The following MARCHF1 variants were observed in gnomAD, a reference collection of about 807,000 sequenced individuals.
MARCHF1 encodes the protein E3 ubiquitin-protein ligase MARCHF1.
Under a neutral mutation model 54.2 loss-of-function variants are expected in MARCHF1, and 40 were observed. The ratio of observed to expected loss-of-function variants is 0.74; its 90% confidence interval spans 0.57 to 0.96. The LOEUF (loss-of-function observed/expected upper bound fraction) is 0.96, where lower values mean the gene tolerates loss of function less well. MARCHF1 is among the 40% of genes least tolerant of loss of function. The probability of loss-of-function intolerance (pLI) is 0.00; values close to 1 mark genes in which losing one functional copy is unlikely to be tolerated. For missense variants in MARCHF1, 586 were observed against 656.5 expected, an observed-to-expected ratio of 0.89 and a Z score of 1.17; for synonymous variants, 236 against 236.3, an observed-to-expected ratio of 1.00 and a Z score of 0.01.
intron 4 of MARCHF1, among the ~76,000 whole-genome samples, chr4:163,742,055 T>C (rs1216880750): frequency 1.3e-5 from 2 of 152,218 alleles, no homozygotes; most frequent in East Asian, 1.9e-4. Context: ...CAGTAGCATA[T>C]GCATTTTTAA....
intron 4 of MARCHF1, among the ~76,000 whole-genome samples, chr4:163,848,754 G>A (rs1331558201): frequency 6.6e-6 from 1 of 152,094 alleles, no homozygotes; most frequent in Admixed American, 6.5e-5. Context: ...TGCTTAATAA[G>A]CATAATCTTC....
chr4:163,610,556 G>T (rs563775755), intron 7 of MARCHF1, among the ~76,000 whole-genome samples: 10 of 152,136 alleles, frequency 6.6e-5, no homozygotes, highest in African/African-American at 2.4e-4. Context: ...TCTTTCATTA[G>T]ATTATGTTGG....
intron 4 of MARCHF1, among the ~76,000 whole-genome samples, chr4:163,755,544 T>C (rs914983321): frequency 6.6e-6 from 1 of 152,124 alleles, no homozygotes; most frequent in Non-Finnish European, 1.5e-5. Context: ...AAGACAACTG[T>C]CTTGTTGGGT....
chr4:163,860,728 C>T (rs913703147), intron 3 of MARCHF1, among the ~76,000 whole-genome samples: 3 of 152,208 alleles, frequency 2.0e-5, no homozygotes, highest in Non-Finnish European at 2.9e-5. Flanking sequence ...CTGCAAGATG[C>T]ACACTCTCTT....
Position 164,045,661 on chromosome 4 carries a change from T to G in MARCHF1, c.-247-56952A>C, listed in dbSNP as rs144765899. 1.4e-4 allele frequency among the ~76,000 whole-genome samples: 21 copies of G among 147,622 alleles called. No homozygotes were observed. In the East Asian group the frequency reaches 4.2e-3, roughly 29 times the overall value. On this transcript the variant is annotated intron_variant, in intron 2 of 9. Transcript: ENST00000514618. Reference sequence around the variant, plus strand: ...TGGAGAAATCATGGCAATATAGTCATGAAATCATTCTGGCTTAGTAAAAAA... The same window carrying G: ...TGGAGAAATCATGGCAATATAGTCAGGAAATCATTCTGGCTTAGTAAAAAA...
At chr4:164,196,424 GCATT>G (rs1196353817) in intron 1 of MARCHF1, among the ~76,000 whole-genome samples, 3 of 144,514 alleles carry the variant, frequency 2.1e-5, no homozygotes, top group African/African-American at 7.4e-5. Context: ...AGTATAAAGT[GCATT>G]ATTATTTTTC....
At chr4:164,369,915 T>A (rs949465418) in intron 1 of MARCHF1, among the ~76,000 whole-genome samples, 1 of 152,194 alleles carries the variant, frequency 6.6e-6, no homozygotes, top group Admixed American at 6.5e-5. Context: ...AAAATCAACA[T>A]GCATCACCAA....
At chr4:164,317,602 C>G (rs1212459066) in intron 1 of MARCHF1, among the ~76,000 whole-genome samples, 1 of 152,184 alleles carries the variant, frequency 6.6e-6, no homozygotes, top group African/African-American at 2.4e-5. Context: ...AACTCAGTCA[C>G]TGGGTCATTC....
chr4:163,823,839 A>T (rs1044224396), intron 4 of MARCHF1, among the ~76,000 whole-genome samples: 1 of 151,528 alleles, frequency 6.6e-6, no homozygotes, highest in Admixed American at 6.6e-5. Flanking sequence ...ATAAAACCAT[A>T]GTCAATGTGC....
At chr4:163,856,575 T>C (rs1461730849) in intron 3 of MARCHF1, among the ~76,000 whole-genome samples, 1 of 152,210 alleles carries the variant, frequency 6.6e-6, no homozygotes, top group Non-Finnish European at 1.5e-5. Flanking sequence ...CCTGTGATAG[T>C]TGCATTTCTA....
At chr4:163,969,622 T>C (rs1166231373) in intron 3 of MARCHF1, among the ~76,000 whole-genome samples, 1 of 152,206 alleles carries the variant, frequency 6.6e-6, no homozygotes, top group Non-Finnish European at 1.5e-5. Context: ...GCATATGTTG[T>C]AGTCCATCTG....
chr4:163,758,360 T>C (rs1441417142), intron 4 of MARCHF1, among the ~76,000 whole-genome samples: 1 of 152,178 alleles, frequency 6.6e-6, no homozygotes, highest in Admixed American at 6.5e-5. Flanking sequence ...CAAGACAATG[T>C]GAGTGGGGTC....
chr4:164,369,452 G>C (rs1163446869), intron 1 of MARCHF1, among the ~76,000 whole-genome samples: 2 of 152,112 alleles, frequency 1.3e-5, no homozygotes, highest in African/African-American at 4.8e-5. Flanking sequence ...GTTTTAGTCA[G>C]ATTGGTTCAT....
intron 4 of MARCHF1, among the ~76,000 whole-genome samples, chr4:163,721,048 A>C (rs1259283117): frequency 5.3e-5 from 8 of 152,214 alleles, no homozygotes. Context: ...TGCCCTGGAC[A>C]GAACTTCCAA....
At chr4:163,741,518 G>C (rs1253530773) in intron 4 of MARCHF1, among the ~76,000 whole-genome samples, 2 of 152,066 alleles carry the variant, frequency 1.3e-5, no homozygotes, top group African/African-American at 4.8e-5. Context: ...AGGAGATGGA[G>C]GTTGCAGTGA....
At chr4:164,083,361 C>T in intron 2 of MARCHF1, among the ~76,000 whole-genome samples, 1 of 151,680 alleles carries the variant, frequency 6.6e-6, no homozygotes, top group East Asian at 1.9e-4. Flanking sequence ...CAAAATTAAA[C>T]AAATATATGG....
At chr4:163,870,911 G>A (rs2111216346) in intron 3 of MARCHF1, among the ~76,000 whole-genome samples, 1 of 152,092 alleles carries the variant, frequency 6.6e-6, no homozygotes, top group South Asian at 2.1e-4. Context: ...CAGTTTTTGT[G>A]TTCTATAGCA....
At chr4:163,903,243 T>C (rs1328734873) in intron 3 of MARCHF1, among the ~76,000 whole-genome samples, 1 of 152,066 alleles carries the variant, frequency 6.6e-6, no homozygotes, top group South Asian at 2.1e-4. Context: ...CCCTTGTGTG[T>C]GTGTGTGTGT....
chr4:163,959,329 A>G (rs1461940739), intron 3 of MARCHF1, among the ~76,000 whole-genome samples: 2 of 129,136 alleles, frequency 1.5e-5, no homozygotes, highest in Admixed American at 1.5e-4. Context: ...AACAACAACA[A>G]CAAAAAAAAA....
Sources: gnomAD v4.1 joint callset for allele counts (sites outside exome capture counted in the v4.1 genomes callset) on GRCh38, gnomAD v4.1.1 for gene constraint, MANE v1.5 for transcripts, NCBI Gene and HGNC (gene_info 2026-07-23, HGNC 2026-07-21) for gene names.